ZNF600: variants seen among roughly 807,000 people sequenced by gnomAD.
ZNF600 encodes the protein zinc finger protein 600, also known as zinc finger protein KR-ZNF1.
A neutral mutation model predicts 7.3 loss-of-function variants in ZNF600; 4 were observed. The ratio of observed to expected loss-of-function variants is 0.55; its 90% CI spans 0.27 to 1.25. The LOEUF (loss-of-function observed/expected upper bound fraction) is 1.25. ZNF600 is among the 50% of genes most tolerant of loss of function. The pLI, the probability that ZNF600 is intolerant of heterozygous loss-of-function variation, is 0.12. For synonymous variants in ZNF600, 290 were observed against 308.9 expected (o/e 0.94, Z 0.64); for missense variants, 911 against 922.1 (o/e 0.99, Z 0.16).
At chr19:52,820,549 G>C in the ZNF600 span, among the ~76,000 whole-genome samples, 1,061 of 145,888 alleles carry the variant, frequency 7.3e-3, 12 homozygotes, top group African/African-American at 0.025. Flanking sequence ...CCTGGACCCA[G>C]TCTGGCACCC....
chr19:52,806,839 C>A, the ZNF600 span, among the ~76,000 whole-genome samples: 1 of 152,030 alleles, frequency 6.6e-6, no homozygotes, highest in Non-Finnish European at 1.5e-5. Context: ...GAGGCAGAGG[C>A]TGCAGTTAGC....
At chr19:52,775,480 G>A (rs1359682294) in intron 2 of ZNF600, among the ~76,000 whole-genome samples, 1 of 149,064 alleles carries the variant, frequency 6.7e-6, no homozygotes, top group East Asian at 2.0e-4. Context: ...AATCCGAGAG[G>A]TGGAGGTTAC....
intron 1 of ZNF600, among the ~76,000 whole-genome samples, chr19:52,785,287 G>C (rs2062754756): frequency 7.0e-6 from 1 of 143,876 alleles, no homozygotes; most frequent in Non-Finnish European, 1.5e-5. Flanking sequence ...CACTCTTGTT[G>C]TGCAGGCTGG....
chr19:52,829,710 C>G, the ZNF600 span, among the ~76,000 whole-genome samples: 69,440 of 151,508 alleles, frequency 0.46, 17,421 homozygotes, highest in Non-Finnish European at 0.57. Flanking sequence ...CGAGGATTCA[C>G]CATGTTGGAC....
exon 1 of ZNF600, chr19:52,786,614 C>T (rs1015324462): frequency 5.5e-6 from 1 of 181,522 alleles, no homozygotes; most frequent in Non-Finnish European, 1.2e-5. Context: ...TCAATTTGCT[C>T]TGGGTGAAGG....
At chr19:52,829,962 T>C in the ZNF600 span, among the ~76,000 whole-genome samples, 64,003 of 151,968 alleles carry the variant, frequency 0.42, 15,510 homozygotes, top group Non-Finnish European at 0.56. Flanking sequence ...AGCCATCTAA[T>C]AGCACTAACT....
chr19:52,789,082 G>T (rs2062785263), upstream of ZNF600, among the ~76,000 whole-genome samples: 1 of 152,190 alleles, frequency 6.6e-6, no homozygotes, highest in Non-Finnish European at 1.5e-5. Context: ...AGGTGGGGCT[G>T]TCATGTCAAA....
the ZNF600 span, chr19:52,810,840 T>TATACTG: frequency 7.9e-6 from 1 of 127,032 alleles, no homozygotes; most frequent in African/African-American, 8.1e-5. Context: ...AAAAAAAGAG[T>TATACTG]CCCTCTCCCT....
the ZNF600 span, chr19:52,801,037 G>C: frequency 1.9e-6 from 3 of 1,614,098 alleles, no homozygotes; most frequent in Non-Finnish European, 2.5e-6. Context: ...CACTTGTAAG[G>C]TTTCTCATCA....
exon 4 of ZNF600, chr19:52,766,029 T>C (rs760020004): frequency 1.2e-6 from 2 of 1,614,124 alleles, no homozygotes; most frequent in African/African-American, 1.3e-5. Flanking sequence ...CTCTCCAGTA[T>C]GAAGTCTACG....
At chr19:52,811,273 C>T in the ZNF600 span, among the ~76,000 whole-genome samples, 3 of 151,840 alleles carry the variant, frequency 2.0e-5, no homozygotes, top group East Asian at 5.8e-4. Context: ...CTGCCTTGGC[C>T]TCCCAAAGAG....
chr19:52,767,206 G>A (rs1860363301), exon 4 of ZNF600: 6 of 1,614,106 alleles, frequency 3.7e-6, no homozygotes, highest in Non-Finnish European at 4.2e-6. Context: ...TCTCCTAAAT[G>A]GGGTATCTGG....
chr19:52,808,086 C>T, the ZNF600 span: 1 of 1,613,514 alleles, frequency 6.2e-7, no homozygotes, highest in Admixed American at 1.7e-5. Context: ...GGCATTTCCA[C>T]TCCTCCTGAG....
chr19:52,789,188 T>G (rs527382675), upstream of ZNF600, among the ~76,000 whole-genome samples: 12 of 152,178 alleles, frequency 7.9e-5, no homozygotes, highest in South Asian at 1.5e-3. Context: ...TGCAGCTGAG[T>G]GGCCAGAGAG....
intron 3 of ZNF600, among the ~76,000 whole-genome samples, chr19:52,772,120 C>T (rs1346784790): frequency 5.3e-5 from 8 of 152,178 alleles, no homozygotes; most frequent in Non-Finnish European, 1.2e-4. Flanking sequence ...TGAGACCAGC[C>T]TGACCAATAT....
chr19:52,791,587 GA>G (rs10644290), upstream of ZNF600, among the ~76,000 whole-genome samples: 5 of 149,256 alleles, frequency 3.3e-5, no homozygotes, highest in Non-Finnish European at 5.9e-5. Context: ...TCCTGAATGT[GA>G]AAAAAAAAAG....
At position 52,774,774 on chromosome 19, in the gene ZNF600, G is replaced by C. The variant is rs59191184; in HGVS notation, c.64-73C>G. ...ATCACCTTCATGGGAAATGAGAAAA[G>C]AGAAAATAAGTATTTGATCAAAGAC... On this transcript the variant is annotated intron_variant, in intron 2 of 3. Coordinates refer to ENST00000648973, the Ensembl canonical transcript of ZNF600. 0.024 allele frequency: 23,968 copies of C among 985,224 alleles called. 4,114 individuals carry two copies. In the African/African-American group the frequency reaches 0.37, roughly 15 times the overall value. The allele number at this position is 985,224 out of a possible 1,614,324, so 61.0% of individuals were successfully genotyped here.
At chr19:52,799,539 T>C in the ZNF600 span, 1 of 1,401,224 alleles carries the variant, frequency 7.1e-7, no homozygotes, top group Non-Finnish European at 1.0e-6. Context: ...CTCTCCAGTA[T>C]GAATGGCTTT....
the ZNF600 span, among the ~76,000 whole-genome samples, chr19:52,808,750 T>C: frequency 2.6e-5 from 4 of 151,466 alleles, no homozygotes; most frequent in African/African-American, 7.3e-5. Context: ...AGGGTGGAGG[T>C]TGCAGTGAGC....
Sources: gnomAD v4.1 joint callset for allele counts (sites outside exome capture counted in the v4.1 genomes callset) on GRCh38, gnomAD v4.1.1 for gene constraint, MANE v1.5 for transcripts, NCBI Gene and HGNC (gene_info 2026-07-23, HGNC 2026-07-21) for gene names.